The following KIF6 variants were observed in gnomAD, a reference collection of about 807,000 sequenced individuals.
KIF6 encodes kinesin family member 6.
A neutral mutation model predicts 112.7 loss-of-function variants in KIF6; 106 were observed. The ratio of observed to expected loss-of-function variants is 0.94; its 90% confidence interval spans 0.80 to 1.11. The LOEUF (loss-of-function observed/expected upper bound fraction) is 1.11, where lower values mean the gene tolerates loss of function less well. Among genes scored for constraint, KIF6 ranks in the 50% least tolerant of loss-of-function variants. The pLI, the probability that KIF6 is intolerant of heterozygous loss-of-function variation, is 0.00. For missense variants in KIF6, 929 were observed against 964.0 expected (o/e 0.96, Z 0.48); for synonymous variants, 339 against 339.9 (o/e 1.00, Z 0.03).
At chr6:39,612,979 C>T (rs1157447535) in intron 6 of KIF6, among the ~76,000 whole-genome samples, 1 of 152,130 alleles carries the variant, frequency 6.6e-6, no homozygotes, top group Admixed American at 6.6e-5. Flanking sequence ...GATTTCTGTT[C>T]CTGCTCATTA....
intron 3 of KIF6, among the ~76,000 whole-genome samples, chr6:39,680,061 T>C (rs1582435205): frequency 6.6e-6 from 1 of 152,134 alleles, no homozygotes. Context: ...CAGGCTGGAG[T>C]GCAGTGGCGT....
At chr6:39,493,260 T>C (rs900257779) in intron 13 of KIF6, among the ~76,000 whole-genome samples, 46 of 152,212 alleles carry the variant, frequency 3.0e-4, no homozygotes, top group African/African-American at 8.0e-4. Flanking sequence ...AGAGGTCCAA[T>C]AGTTCAACCC....
intron 13 of KIF6, among the ~76,000 whole-genome samples, chr6:39,448,259 C>T (rs754662379): frequency 2.6e-5 from 4 of 152,122 alleles, no homozygotes; most frequent in Admixed American, 6.5e-5. Flanking sequence ...ACTGCAACCT[C>T]CTTCTCCTGG....
At position 39,544,599 on chromosome 6, in the gene KIF6, T is replaced by C. The variant is rs1561794795; in HGVS notation, c.1382A>G (p.Tyr461Cys). Residue 461 changes from tyrosine to cysteine, a missense_variant, in exon 12 of 23, where the codon TAT (tyrosine) becomes TGT (cysteine). Tyr to Cys is a radical substitution (Grantham distance 194). Around this residue, in one of 2 missense-constraint regions of KIF6, gnomAD observed 688 missense variants for 662.7 expected, o/e 1.04. Coordinates refer to ENST00000287152, the MANE Select transcript of KIF6 (RefSeq NM_145027.6). ...TTTCAGAATATCTCGTAGCTTTCTA[T>C]ATTCTTCTTCTTTTAATGGTTCTTG... ...DCQEPLKEEE[Y>C]RKLRDILKQR... The C allele has an allele frequency of 6.2e-7, 1 of 1,612,458 alleles. No individual in the cohort carries two copies. The highest frequency in any genetic ancestry group is 8.5e-7 in the Non-Finnish European group (1 of 1,178,652).
At chr6:39,554,084 G>A (rs576944162) in intron 10 of KIF6, 1 of 157,170 alleles carries the variant, frequency 6.4e-6, no homozygotes, top group African/African-American at 2.4e-5. Context: ...GCTGCAATAG[G>A]GCTGGAGATT....
In KIF6 at chr6:39,583,674, C is replaced by CTTT. The variant is rs564229262; in HGVS notation, c.1077+1221_1077+1223dup. Among the ~76,000 whole-genome samples the CTTT allele has an allele frequency of 6.4e-4, 46 of 71,706 alleles. 11 individuals are homozygous for CTTT. The highest frequency in any genetic ancestry group is 1.4e-3 in the East Asian group (3 of 2,220). 47.0% of individuals were successfully genotyped at this position (71,706 alleles called of 152,430 possible). A position where few individuals can be genotyped will look rare whatever the true frequency, so the allele number is the denominator to read the frequency against. ...AAACACTGTTGGTAGGATTTCACTTCTTTTTTTTTTTTTTTTTTTTTTTTT... is the reference window on the plus strand; with the variant it reads ...AAACACTGTTGGTAGGATTTCACTTCTTTTTTTTTTTTTTTTTTTTTTTTTTTT... On this transcript the variant is annotated intron_variant, in intron 9 of 22. Transcript: ENST00000287152.
intron 15 of KIF6, among the ~76,000 whole-genome samples, chr6:39,399,518 G>A (rs940269010): frequency 6.6e-6 from 1 of 152,214 alleles, no homozygotes; most frequent in African/African-American, 2.4e-5. Context: ...GTCACTGGGG[G>A]GAGTCCCACC....
chr6:39,399,070 T>C (rs1189463949), intron 15 of KIF6, among the ~76,000 whole-genome samples: 2 of 152,242 alleles, frequency 1.3e-5, no homozygotes, highest in South Asian at 2.1e-4. Flanking sequence ...ACATCAACTC[T>C]TCTTTGGCTC....
chr6:39,706,569 A>C (rs1377880734), intron 3 of KIF6, among the ~76,000 whole-genome samples: 1 of 152,234 alleles, frequency 6.6e-6, no homozygotes, highest in East Asian at 1.9e-4. Flanking sequence ...TCACACTTAA[A>C]AGTTTAGATT....
At chr6:39,659,747 C>T (rs891433025) in intron 3 of KIF6, among the ~76,000 whole-genome samples, 1 of 152,180 alleles carries the variant, frequency 6.6e-6, no homozygotes, top group Non-Finnish European at 1.5e-5. Flanking sequence ...CTGAGGCCTT[C>T]CCAGCAAAAG....
intron 3 of KIF6, among the ~76,000 whole-genome samples, chr6:39,671,462 G>A (rs947548180): frequency 1.3e-5 from 2 of 152,164 alleles, no homozygotes; most frequent in East Asian, 1.9e-4. Context: ...GGTCTAGCCC[G>A]CTTCTATCCT....
chr6:39,720,108 TAATC>T (rs1162020025), intron 2 of KIF6, among the ~76,000 whole-genome samples: 4 of 152,166 alleles, frequency 2.6e-5, no homozygotes, highest in Admixed American at 2.0e-4. Flanking sequence ...TTTCAGCAAA[TAATC>T]AATATGAAAA....
intron 15 of KIF6, among the ~76,000 whole-genome samples, chr6:39,413,948 T>C (rs1053553313): frequency 2.0e-5 from 3 of 152,206 alleles, no homozygotes; most frequent in African/African-American, 7.2e-5. Flanking sequence ...GTGAATCATT[T>C]AATAAATCAA....
intron 16 of KIF6, among the ~76,000 whole-genome samples, chr6:39,371,749 C>T (rs1766013859): frequency 6.6e-6 from 1 of 152,148 alleles, no homozygotes; most frequent in African/African-American, 2.4e-5. Flanking sequence ...CTTGTTAGGA[C>T]CCTGACCCAT....
chr6:39,468,949 G>A (rs1471018659), intron 13 of KIF6, among the ~76,000 whole-genome samples: 1 of 151,916 alleles, frequency 6.6e-6, no homozygotes, highest in Non-Finnish European at 1.5e-5. Context: ...CAAAGGAGGG[G>A]GTGGAAGCAA....
At chr6:39,472,606 C>A (rs1195550910) in intron 13 of KIF6, among the ~76,000 whole-genome samples, 2 of 152,216 alleles carry the variant, frequency 1.3e-5, no homozygotes, top group Non-Finnish European at 2.9e-5. Flanking sequence ...CTCTCTCCCC[C>A]TTCCCACGAA....
intron 2 of KIF6, among the ~76,000 whole-genome samples, 194 bp downstream of exon 2, chr6:39,720,508 G>A (rs1372416004): frequency 6.6e-6 from 1 of 152,066 alleles, no homozygotes; most frequent in Non-Finnish European, 1.5e-5. Flanking sequence ...CTCAGATATA[G>A]AAATACACAT....
rs532899733 is a variant in KIF6, at chr6:39,680,559, A to T, written c.251+34133T>A. 3.9e-4 allele frequency among the ~76,000 whole-genome samples: 60 copies of T among 152,312 alleles called. No individual in the cohort carries two copies. In the South Asian group the frequency reaches 0.011, roughly 28 times the overall value. On this transcript the variant is annotated intron_variant, in intron 3 of 22. Coordinates refer to ENST00000287152, the MANE Select transcript of KIF6 (RefSeq NM_145027.6). ...GGTCAGCTACCTTTCTCACAGATAG[A>T]TAGTAGAGGGAGACATGATGGGCTT...
At chr6:39,427,151 C>T (rs1770827976) in intron 14 of KIF6, among the ~76,000 whole-genome samples, 1 of 152,152 alleles carries the variant, frequency 6.6e-6, no homozygotes, top group Non-Finnish European at 1.5e-5. Flanking sequence ...CTGAATTTCA[C>T]CCTAAGTCAA....
Sources: gnomAD v4.1 joint callset for allele counts (sites outside exome capture counted in the v4.1 genomes callset) on GRCh38, gnomAD v4.1.1 for gene constraint, gnomAD v4.1.1 regional missense constraint, MANE v1.5 for transcripts, NCBI Gene and HGNC (gene_info 2026-07-23, HGNC 2026-07-21) for gene names.